The following LPAR3 variants were observed in gnomAD, a reference collection of about 807,000 sequenced individuals.
LPAR3 encodes the protein LPA receptor 3.
Under a neutral mutation model 17.8 loss-of-function variants are expected in LPAR3, and 7 were observed. The observed-to-expected ratio is 0.39, with a 90% CI of 0.22 to 0.74. LPAR3 has a LOEUF of 0.74. LPAR3 is among the 30% of genes least tolerant of loss of function. The pLI is 0.40. For missense variants in LPAR3, 391 were observed against 453.4 expected (o/e 0.86, Z 1.25); for synonymous variants, 179 against 179.9 (o/e 0.99, Z 0.04).
chr1:84,853,577 C>T (rs1038722550), intron 2 of LPAR3, among the ~76,000 whole-genome samples: 6 of 152,190 alleles, frequency 3.9e-5, no homozygotes, highest in African/African-American at 1.2e-4. Flanking sequence ...GCCCCACTGG[C>T]CTGCTTCTCT....
At chr1:84,841,995 A>T (rs1220309872) in intron 2 of LPAR3, among the ~76,000 whole-genome samples, 1 of 152,204 alleles carries the variant, frequency 6.6e-6, no homozygotes, top group Non-Finnish European at 1.5e-5. Flanking sequence ...AAGAAGCAGG[A>T]CAGAAAAAAA....
At chr1:84,859,114 G>C (rs529972020) in intron 2 of LPAR3, among the ~76,000 whole-genome samples, 2 of 152,266 alleles carry the variant, frequency 1.3e-5, no homozygotes, top group African/African-American at 4.8e-5. Context: ...CTACTTGCTT[G>C]GCAGGATTTC....
intron 2 of LPAR3, 51 bp from the exon 3 acceptor site, chr1:84,814,222 T>C: frequency 6.7e-7 from 1 of 1,491,820 alleles, no homozygotes; most frequent in Non-Finnish European, 9.2e-7. Flanking sequence ...AGGGGACTTA[T>C]TCAGGTTTTC....
chr1:84,865,454 G>T lies in LPAR3; in HGVS notation c.667C>A (p.His223Asn), dbSNP rs778632311. 1.9e-6 allele frequency: 3 copies of T among 1,614,176 alleles called. No homozygotes were observed. In the South Asian group the frequency reaches 3.3e-5, roughly 18 times the overall value. ...VKRKTNVLSP[H>N]TSGSISRRRT... ...CGGCGGCTGATGGACCCACTTGTAT[G>T]CGGAGACAAGACGTTGGTTTTCCTC... The change falls in exon 2 of 3, where the codon CAT becomes AAT. Residue 223 changes from histidine to asparagine, a missense_variant. Physicochemically the swap from His to Asn is moderately conservative, Grantham distance 68 (BLOSUM62 1). Transcript: ENST00000370611.
chr1:84,839,948 C>T (rs55991636), intron 2 of LPAR3, among the ~76,000 whole-genome samples: 2,337 of 152,238 alleles, frequency 0.015, 19 homozygotes, highest in South Asian at 0.043. Flanking sequence ...TATTTTTAAA[C>T]AGGGTGTCAC....
chr1:84,866,289 A>G lies in LPAR3; in HGVS notation c.-18-151T>C, dbSNP rs982513355. ...TCTCAGTGCAAATGTCCTTTGGTCCAGGACATAGCCCCTGACCTCCTACCA... is the reference window on the plus strand; with the variant it reads ...TCTCAGTGCAAATGTCCTTTGGTCCGGGACATAGCCCCTGACCTCCTACCA... On this transcript the variant is annotated intron_variant, in intron 1 of 2. Coordinates refer to ENST00000370611, the MANE Select transcript of LPAR3 (RefSeq NM_012152.3). 9.5e-6 allele frequency: 6 copies of G among 628,352 alleles called. No homozygotes were observed. The African/African-American group carries it at 1.1e-4, about 12-fold the overall frequency. The allele number at this position is 628,352 out of a possible 1,614,324, so 38.9% of individuals were successfully genotyped here.
intron 2 of LPAR3, among the ~76,000 whole-genome samples, chr1:84,851,318 T>C (rs1412929883): frequency 6.6e-6 from 1 of 152,202 alleles, no homozygotes; most frequent in Non-Finnish European, 1.5e-5. Flanking sequence ...CCTCTTACCT[T>C]TGTTCTTGTG....
intron 2 of LPAR3, among the ~76,000 whole-genome samples, chr1:84,855,340 C>T (rs996121546): frequency 3.3e-5 from 5 of 152,154 alleles, no homozygotes; most frequent in Non-Finnish European, 7.3e-5. Context: ...GAGTCACAGA[C>T]GATGACCACA....
chr1:84,834,058 A>T (rs1025510581), intron 2 of LPAR3, among the ~76,000 whole-genome samples: 25 of 152,336 alleles, frequency 1.6e-4, no homozygotes, highest in African/African-American at 5.5e-4. Flanking sequence ...TAAGTGAAAA[A>T]GACCTGCGTG....
Position 84,848,524 on chromosome 1 carries a change from T to C in LPAR3, c.736+16861A>G, listed in dbSNP as rs569202894. On this transcript the variant is annotated intron_variant, in intron 2 of 2. Transcript: ENST00000370611. ...CACCCAAAAGCTACCCTCCCTGAGCTGCAAGTTGCCTTAGACCAGAGACAC... is the reference window on the plus strand; with the variant it reads ...CACCCAAAAGCTACCCTCCCTGAGCCGCAAGTTGCCTTAGACCAGAGACAC... Among the ~76,000 whole-genome samples the C allele has an allele frequency of 7.2e-5, 11 of 152,326 alleles. No individual in the cohort carries two copies. In the South Asian group the frequency reaches 2.3e-3, roughly 32 times the overall value.
intron 1 of LPAR3, among the ~76,000 whole-genome samples, chr1:84,890,085 A>G (rs1660525626): frequency 6.6e-6 from 1 of 152,302 alleles, no homozygotes; most frequent in Middle Eastern, 3.4e-3. Context: ...ATAGCTCCCC[A>G]GCCCCATCAC....
At chr1:84,824,907 T>A (rs994358168) in intron 2 of LPAR3, among the ~76,000 whole-genome samples, 4 of 152,218 alleles carry the variant, frequency 2.6e-5, no homozygotes, top group African/African-American at 9.7e-5. Flanking sequence ...TTATTCAACT[T>A]AGATTACCCA....
In LPAR3 at chr1:84,866,136, A is replaced by G; in HGVS notation, c.-16T>C. 6.5e-7 allele frequency: 1 copy of G among 1,550,126 alleles called. No individual in the cohort carries two copies. Among genetic ancestry groups the G allele is most frequent in the Non-Finnish European group, 8.7e-7 (1 of 1,151,866 alleles). ...ACTCATTCATTGTGGAGAAGTGAACATCCTAGAAAGAAATTTAAAGAAGAA... is the reference window on the plus strand; with the variant it reads ...ACTCATTCATTGTGGAGAAGTGAACGTCCTAGAAAGAAATTTAAAGAAGAA... On this transcript the variant is annotated splice_region_variant and 5_prime_UTR_variant, in exon 2 of 3. An upstream start codon of the reference 5' UTR is lost. Transcript: ENST00000370611.
chr1:84,892,343 C>T (rs1660568307), intron 1 of LPAR3, among the ~76,000 whole-genome samples: 3 of 152,148 alleles, frequency 2.0e-5, no homozygotes, highest in African/African-American at 7.2e-5. Flanking sequence ...CACAGTCACT[C>T]CTCAAATTAC....
At chr1:84,881,612 C>T (rs575484736) in intron 1 of LPAR3, among the ~76,000 whole-genome samples, 1 of 152,270 alleles carries the variant, frequency 6.6e-6, no homozygotes, top group African/African-American at 2.4e-5. Context: ...TGTAACTACA[C>T]TAAAATAACT....
chr1:84,874,988 C>T (rs1660229191), intron 1 of LPAR3, among the ~76,000 whole-genome samples: 1 of 151,444 alleles, frequency 6.6e-6, no homozygotes, highest in Non-Finnish European at 1.5e-5. Context: ...CAACCTCCAC[C>T]TTCCTGGTTC....
At chr1:84,869,571 T>G (rs889021384) in intron 1 of LPAR3, among the ~76,000 whole-genome samples, 1 of 152,078 alleles carries the variant, frequency 6.6e-6, no homozygotes, top group Non-Finnish European at 1.5e-5. Context: ...TAACAAAAAT[T>G]TATTTGTGTT....
At chr1:84,884,383 AT>A (rs1429869423) in intron 1 of LPAR3, among the ~76,000 whole-genome samples, 2 of 152,174 alleles carry the variant, frequency 1.3e-5, no homozygotes, top group Non-Finnish European at 2.9e-5. Flanking sequence ...TTCAAGCGCT[AT>A]TTCTTTGTGG....
chr1:84,869,481 G>A (rs1376767057), intron 1 of LPAR3, among the ~76,000 whole-genome samples: 1 of 152,092 alleles, frequency 6.6e-6, no homozygotes, highest in Non-Finnish European at 1.5e-5. Flanking sequence ...ATACTATACA[G>A]TCCATGAAAA....
Sources: allele counts gnomAD v4.1 joint callset (sites outside exome capture counted in the v4.1 genomes callset), GRCh38; gene constraint gnomAD v4.1.1; transcripts MANE v1.5; gene names NCBI Gene and HGNC (gene_info 2026-07-23, HGNC 2026-07-21).